Variants in DAB1 observed in about 807,000 individuals in gnomAD.
The protein encoded by DAB1 is DAB adaptor protein 1, also known as disabled homolog 1.
A neutral mutation model predicts 64.6 loss-of-function variants in DAB1; 15 were observed. That is an observed-to-expected ratio of 0.23 (90% CI 0.16 to 0.36). The LOEUF (loss-of-function observed/expected upper bound fraction) is 0.36. DAB1 is among the 10% of genes least tolerant of loss of function. The pLI is 1.00. For missense variants in DAB1, 596 were observed against 706.7 expected, an observed-to-expected ratio of 0.84 and a Z score of 1.78; for synonymous variants, 235 against 251.9, an observed-to-expected ratio of 0.93 and a Z score of 0.64.
At chr1:57,688,871 T>G (rs1218447866) in intron 6 of DAB1, among the ~76,000 whole-genome samples, 1 of 152,026 alleles carries the variant, frequency 6.6e-6, no homozygotes, top group Admixed American at 6.6e-5. Flanking sequence ...CATTGGGTAG[T>G]AGTGGACATA....
intron 2 of DAB1, among the ~76,000 whole-genome samples, chr1:57,206,297 T>A (rs1665531448): frequency 1.3e-5 from 2 of 152,286 alleles, no homozygotes; most frequent in South Asian, 4.1e-4. Context: ...GCCTGTGGCA[T>A]GAAAGGAGAT....
chr1:57,128,195 T>TAAA (rs1657329989), intron 4 of DAB1, among the ~76,000 whole-genome samples: 1 of 144,792 alleles, frequency 6.9e-6, no homozygotes, highest in East Asian at 2.1e-4. Flanking sequence ...AAATAAATAA[T>TAAA]ACAATTCTTT....
At chr1:58,113,509 T>TGA (rs1652110199) in intron 5 of DAB1, among the ~76,000 whole-genome samples, 2 of 152,164 alleles carry the variant, frequency 1.3e-5, no homozygotes, top group African/African-American at 2.4e-5. Flanking sequence ...TGTCAAAAGC[T>TGA]GAAGCACAAA....
intron 1 of DAB1, among the ~76,000 whole-genome samples, chr1:57,308,121 G>A (rs1674354934): frequency 6.6e-6 from 1 of 152,148 alleles, no homozygotes; most frequent in African/African-American, 2.4e-5. Context: ...AAAGATAACA[G>A]AATACTAAAT....
intron 7 of DAB1, among the ~76,000 whole-genome samples, chr1:57,569,233 T>C (rs1205965127): frequency 2.6e-5 from 3 of 114,468 alleles, no homozygotes; most frequent in South Asian, 3.1e-4. Context: ...CACTCCAGCC[T>C]GGGCGACAGC....
intron 7 of DAB1, among the ~76,000 whole-genome samples, chr1:57,480,958 A>G (rs1644011279): frequency 6.6e-6 from 1 of 152,086 alleles, no homozygotes. Context: ...TGTGCTTCCT[A>G]TTTGTAAGCA....
intron 5 of DAB1, among the ~76,000 whole-genome samples, chr1:57,904,349 C>A (rs768334097): frequency 6.6e-6 from 1 of 152,062 alleles, no homozygotes; most frequent in Non-Finnish European, 1.5e-5. Flanking sequence ...AAATCTTGCT[C>A]GAGGGTCTTT....
At position 58,120,106 on chromosome 1, in the gene DAB1, T is replaced by C. The variant is rs1652650300; in HGVS notation, n.387+30405A>G. 3.9e-5 allele frequency among the ~76,000 whole-genome samples: 6 copies of C among 152,290 alleles called. No individual in the cohort carries two copies. In the South Asian group the frequency reaches 1.0e-3, roughly 26 times the overall value. ...TCAGGCATTTTGTCCTGCAGAGATA[T>C]CAACTTGAAAGGTAATGTAGTGAGG... On this transcript the variant is annotated intron_variant and non_coding_transcript_variant, in intron 5 of 20. Transcript: ENST00000485760.
At chr1:57,202,196 AT>A (rs1009708910) in intron 2 of DAB1, among the ~76,000 whole-genome samples, 1 of 152,158 alleles carries the variant, frequency 6.6e-6, no homozygotes. Flanking sequence ...TGAAAGGCAG[AT>A]TTTTTTAAAA....
At chr1:58,106,369 A>C (rs1651642005) in intron 5 of DAB1, among the ~76,000 whole-genome samples, 1 of 152,062 alleles carries the variant, frequency 6.6e-6, no homozygotes, top group Middle Eastern at 3.2e-3. Context: ...TTTTTGGTAG[A>C]GACAGGGTCT....
chr1:58,422,218 A>G (rs1403305507), intron 3 of DAB1, among the ~76,000 whole-genome samples: 1 of 151,974 alleles, frequency 6.6e-6, no homozygotes, highest in African/African-American at 2.4e-5. Flanking sequence ...CCTAACTTAC[A>G]GGGTTGTCAC....
intron 3 of DAB1, among the ~76,000 whole-genome samples, chr1:58,443,974 G>A (rs706442): frequency 0.52 from 79,492 of 151,998 alleles, 20,996 homozygotes; most frequent in South Asian, 0.71. Flanking sequence ...TAAAATGAAG[G>A]TTATAATAAT....
At chr1:57,055,618 C>A (rs907093708) in intron 9 of DAB1, among the ~76,000 whole-genome samples, 7 of 152,188 alleles carry the variant, frequency 4.6e-5, no homozygotes, top group Admixed American at 1.3e-4. Flanking sequence ...AAAATTCTAA[C>A]TTCTGCCCTA....
intron 5 of DAB1, among the ~76,000 whole-genome samples, chr1:57,889,883 G>A (rs1221429058): frequency 7.9e-6 from 1 of 126,586 alleles, no homozygotes; most frequent in African/African-American, 3.1e-5. Flanking sequence ...TTCGCAGATG[G>A]TAGCACAAAC....
At chr1:58,053,536 C>T (rs1286285518) in intron 5 of DAB1, among the ~76,000 whole-genome samples, 2 of 152,166 alleles carry the variant, frequency 1.3e-5, no homozygotes, top group African/African-American at 4.8e-5. Flanking sequence ...AATCTGCCCC[C>T]ATCACTCAAA....
chr1:58,365,587 T>A (rs1326798134), intron 3 of DAB1, among the ~76,000 whole-genome samples: 1 of 152,144 alleles, frequency 6.6e-6, no homozygotes, highest in African/African-American at 2.4e-5. Context: ...CTTTATTGAG[T>A]CTGAACTTTT....
At chr1:57,852,033 G>C (rs113825797) in intron 1 of DAB1, among the ~76,000 whole-genome samples, 20 of 152,310 alleles carry the variant, frequency 1.3e-4, no homozygotes, top group African/African-American at 4.6e-4. Flanking sequence ...GACTGAGGGG[G>C]TCTCAGGCAC....
At chr1:58,048,548 T>C (rs1570276539) in intron 5 of DAB1, 2 of 1,123,162 alleles carry the variant, frequency 1.8e-6, no homozygotes, top group South Asian at 2.5e-5. Context: ...ACCACCATAA[T>C]TGCCAAACCC....
intron 9 of DAB1, among the ~76,000 whole-genome samples, chr1:57,044,298 C>A (rs1451069163): frequency 6.6e-6 from 1 of 152,196 alleles, no homozygotes; most frequent in Non-Finnish European, 1.5e-5. Flanking sequence ...TGTACCTGTG[C>A]CTAGCTCAGT....
Sources: allele counts gnomAD v4.1 joint callset (sites outside exome capture counted in the v4.1 genomes callset), GRCh38; gene constraint gnomAD v4.1.1; transcripts MANE v1.5; gene names NCBI Gene and HGNC (gene_info 2026-07-23, HGNC 2026-07-21).